SKI: variants seen among roughly 807,000 people sequenced by gnomAD.
SKI encodes the protein ski oncogene.
Under a neutral mutation model 59.3 loss-of-function variants are expected in SKI, and 23 were observed. The observed-to-expected ratio is 0.39, with a 90% CI of 0.28 to 0.55. The LOEUF (loss-of-function observed/expected upper bound fraction) is 0.55, where lower values mean the gene tolerates loss of function less well. SKI is among the 20% of genes least tolerant of loss of function. The probability of loss-of-function intolerance (pLI) is 0.67; values close to 1 mark genes in which losing one functional copy is unlikely to be tolerated. For synonymous variants in SKI, 673 were observed against 488.6 expected (o/e 1.38, Z -4.98); for missense variants, 1,017 against 1,038.9 (o/e 0.98, Z 0.29).
chr1:2,234,547 G>A (rs1181564670), intron 1 of SKI, among the ~76,000 whole-genome samples: 1 of 152,234 alleles, frequency 6.6e-6, no homozygotes, highest in Non-Finnish European at 1.5e-5. Flanking sequence ...GGAGTCTCTC[G>A]GGGTTGTGGG....
chr1:2,306,000 G>T lies in SKI; in HGVS notation c.1768-20G>T, dbSNP rs375518657. 1 of 1,550,676 alleles carries T rather than the reference G, an allele frequency of 6.4e-7. No homozygotes were observed. The highest frequency in any genetic ancestry group is 8.7e-7 in the Non-Finnish European group (1 of 1,145,314). The stretch of plus-strand genomic sequence containing the variant: ...CTGGGACCGGCTGGGCAGTGACCCC[G>T]AGCCGCCTCCGGCCCCCAGGAGCTG... On this transcript the variant is annotated intron_variant, in intron 5 of 6. Transcript: ENST00000378536.
At chr1:2,234,101 C>G (rs1046198658) in intron 1 of SKI, among the ~76,000 whole-genome samples, 5 of 152,198 alleles carry the variant, frequency 3.3e-5, no homozygotes, top group African/African-American at 1.2e-4. Context: ...AGGCCAGGGT[C>G]TGCGGGTTTG....
intron 1 of SKI, among the ~76,000 whole-genome samples, chr1:2,266,733 C>T (rs1381591443): frequency 2.6e-5 from 4 of 152,264 alleles, no homozygotes; most frequent in East Asian, 3.9e-4. Flanking sequence ...TCAGCCACCC[C>T]GTTCATCCAC....
intron 1 of SKI, among the ~76,000 whole-genome samples, chr1:2,284,551 C>A (rs962408266): frequency 1.3e-5 from 2 of 152,206 alleles, no homozygotes; most frequent in African/African-American, 2.4e-5. Context: ...GGGCAGGGAC[C>A]CTTCCCCAGT....
chr1:2,245,788 C>CTTTTT (rs766445644), intron 1 of SKI, among the ~76,000 whole-genome samples: 1,328 of 70,374 alleles, frequency 0.019, 274 homozygotes, highest in African/African-American at 0.02. Flanking sequence ...ATTTTTCCTT[C>CTTTTT]TTTTTTTTTT....
chr1:2,296,225 C>G (rs116930915), intron 1 of SKI, among the ~76,000 whole-genome samples: 1 of 125,026 alleles, frequency 8.0e-6, no homozygotes, highest in Admixed American at 8.0e-5. Flanking sequence ...GGAAAAAAAA[C>G]AAAAAAAAAA....
At position 2,233,010 on chromosome 1, in the gene SKI, A is replaced by G. The variant is rs528877486; in HGVS notation, c.969+3275A>G. Among the ~76,000 whole-genome samples, 316 of 151,940 alleles carry G rather than the reference A, an allele frequency of 2.1e-3. 2 individuals are homozygous for G. Among genetic ancestry groups the G allele is most frequent in the African/African-American group, 7.3e-3 (302 of 41,380 alleles). On this transcript the variant is annotated intron_variant, in intron 1 of 6. Coordinates refer to ENST00000378536, the MANE Select transcript of SKI (RefSeq NM_003036.4). ...CTCCATTGGACTACATTTTTTTGTC[A>G]GTATAGACAGCTGTCAGAGACGGAG...
At chr1:2,247,711 A>T (rs2100818094) in intron 1 of SKI, among the ~76,000 whole-genome samples, 1 of 152,286 alleles carries the variant, frequency 6.6e-6, no homozygotes, top group Middle Eastern at 3.4e-3. Flanking sequence ...TCCTGAACCT[A>T]GGAGCCCAGG....
At chr1:2,235,029 G>GT (rs142206124) in intron 1 of SKI, among the ~76,000 whole-genome samples, 8,901 of 143,572 alleles carry the variant, frequency 0.062, 639 homozygotes, top group East Asian at 0.2. Flanking sequence ...CTGGAGCAGG[G>GT]TTTTTTTTTG....
chr1:2,240,763 A>AAGC, intron 1 of SKI: 2 of 985,436 alleles, frequency 2.0e-6, no homozygotes, highest in Non-Finnish European at 2.4e-6. Context: ...GGGAGGGGAG[A>AAGC]AGCACAGCAT....
chr1:2,283,348 C>T (rs1008814039), intron 1 of SKI, among the ~76,000 whole-genome samples: 2 of 145,310 alleles, frequency 1.4e-5, no homozygotes, highest in Non-Finnish European at 3.0e-5. Flanking sequence ...CTCAGAGCCT[C>T]AGGGGGGGGA....
Position 2,306,311 on chromosome 1 carries a change from G to T in SKI, c.1998+61G>T, listed in dbSNP as rs563920944. On this transcript the variant is annotated intron_variant, in intron 6 of 6. Transcript: ENST00000378536. ...TGGGCGTGGAGCCGCCGTGGGCCCC[G>T]GTGGCCAGTCCTGCCCAGCCGGAAA... The T allele has an allele frequency of 2.8e-6, 4 of 1,421,854 alleles. No individual in the cohort carries two copies. The Admixed American group carries it at 6.7e-5, about 24-fold the overall frequency. The allele number at this position is 1,421,854 out of a possible 1,614,324, so 88.1% of individuals were successfully genotyped here.
chr1:2,306,460 C>T (rs1036972045), intron 6 of SKI, 117 bp from the exon 7 acceptor site: 3 of 1,139,644 alleles, frequency 2.6e-6, no homozygotes, highest in South Asian at 1.5e-5. Flanking sequence ...GAGGAGGGGC[C>T]GGCACGCGGC....
intron 1 of SKI, among the ~76,000 whole-genome samples, chr1:2,255,072 C>T (rs1156326374): frequency 1.3e-5 from 2 of 152,002 alleles, no homozygotes; most frequent in Non-Finnish European, 2.9e-5. Context: ...CCCTACCATG[C>T]GGCCTTTCTT....
At chr1:2,241,342 C>T (rs1025094766) in intron 1 of SKI, among the ~76,000 whole-genome samples, 1 of 152,202 alleles carries the variant, frequency 6.6e-6, no homozygotes, top group South Asian at 2.1e-4. Context: ...ATCCACAGCT[C>T]ACTCATTTTG....
intron 1 of SKI, among the ~76,000 whole-genome samples, chr1:2,286,185 T>C (rs531790745): frequency 6.6e-6 from 1 of 152,384 alleles, no homozygotes; most frequent in East Asian, 1.9e-4. Context: ...TGTTCATCTT[T>C]ACCTTGTGTA....
intron 5 of SKI, 107 bp from the exon 6 acceptor site, chr1:2,305,913 C>T: frequency 1.1e-6 from 1 of 889,650 alleles, no homozygotes; most frequent in Non-Finnish European, 1.8e-6. Flanking sequence ...CTCCAGGGCA[C>T]ATTGTCAGAT....
chr1:2,291,030 C>G (rs890152913), intron 1 of SKI, among the ~76,000 whole-genome samples: 1 of 152,232 alleles, frequency 6.6e-6, no homozygotes, highest in Non-Finnish European at 1.5e-5. Context: ...CTCCCACCAG[C>G]CAGTCGCTGG....
intron 1 of SKI, among the ~76,000 whole-genome samples, chr1:2,295,852 G>C (rs1251636799): frequency 1.3e-5 from 2 of 152,310 alleles, no homozygotes; most frequent in African/African-American, 4.8e-5. Flanking sequence ...ATTTGTCTCT[G>C]GATGCTTGGG....
Sources: allele counts gnomAD v4.1 joint callset (sites outside exome capture counted in the v4.1 genomes callset), GRCh38; gene constraint gnomAD v4.1.1; transcripts MANE v1.5; gene names NCBI Gene and HGNC (gene_info 2026-07-23, HGNC 2026-07-21).